MAP4K2: variants seen among roughly 807,000 people sequenced by gnomAD.
The protein encoded by MAP4K2 is mitogen-activated protein kinase kinase kinase kinase 2.
In MAP4K2, 85 loss-of-function variants were observed where a neutral mutation model predicts 125.3. That is an observed-to-expected ratio of 0.68 (90% CI 0.57 to 0.81). MAP4K2 has a LOEUF of 0.81. Among genes scored for constraint, MAP4K2 ranks in the 40% least tolerant of loss-of-function variants. The probability of loss-of-function intolerance (pLI) is 0.00; values close to 1 mark genes in which losing one functional copy is unlikely to be tolerated. For missense variants in MAP4K2, 923 were observed against 1,056.4 expected, an observed-to-expected ratio of 0.87 and a Z score of 1.75; for synonymous variants, 479 against 445.1, an observed-to-expected ratio of 1.08 and a Z score of -0.96.
chr11:64,801,560 G>T lies in MAP4K2; in HGVS notation c.457+19C>A. ...GGTCCACAGAGCCCTCACCCTGATGGTGTCCCCAGGGTACTGACCCAGTTT... is the reference window on the plus strand; with the variant it reads ...GGTCCACAGAGCCCTCACCCTGATGTTGTCCCCAGGGTACTGACCCAGTTT... On this transcript the variant is annotated intron_variant, in intron 7 of 31. Transcript: ENST00000294066. 6.2e-7 allele frequency: 1 copy of T among 1,613,540 alleles called. No homozygotes were observed. The highest frequency in any genetic ancestry group is 8.5e-7 in the Non-Finnish European group (1 of 1,179,624).
In MAP4K2 at chr11:64,797,000, G is replaced by C. The variant is rs1940847268; in HGVS notation, c.1389C>G (p.Pro463=). Residue 463 remains proline, a synonymous_variant, in exon 20 of 32, where the codon CCC becomes CCG. Transcript: ENST00000294066. The stretch of plus-strand genomic sequence containing the variant: ...CACTTACATGCACCTTGGGAGTTGG[G>C]GGGAGCCCGTGGCAGGATGACCTCT... ...DPERSSCHGL[P]PTPKVHMGAC... 1.2e-6 allele frequency: 2 copies of C among 1,613,968 alleles called. No individual in the cohort carries two copies. The highest frequency in any genetic ancestry group is 1.7e-6 in the Non-Finnish European group (2 of 1,179,966).
In MAP4K2 at chr11:64,796,519, A is replaced by G. The variant is rs1293030058; in HGVS notation, c.1607T>C (p.Val536Ala). ...ISHRCSWLYC[V>A]NNVLLSLSGK... is the part of the protein sequence containing the mutation. ...TGAGAGTGACAGCAGCACGTTGTTC[A>G]CGCAGTAGAGCCAGGAGCAGCGATG... Residue 536 changes from valine (V) to alanine (A), a missense_variant, in exon 23 of 32, where the codon GTG becomes GCG. Physicochemically the swap from Val to Ala is moderately conservative, Grantham distance 64 (BLOSUM62 0). This residue lies in a region of MAP4K2 where 833 missense variants were observed against 911.4 expected (regional missense o/e 0.91). Transcript: ENST00000294066. The G allele has an allele frequency of 1.2e-6, 2 of 1,613,942 alleles. No homozygotes were observed.
rs1163153790 is a variant in MAP4K2, at chr11:64,800,131, G to T, written c.893C>A (p.Ser298Tyr). The change falls in exon 12 of 32, where the codon TCC becomes TAC. Residue 298 changes from serine (S) to tyrosine (Y), a missense_variant. By Grantham distance (144) the Ser-to-Tyr change is moderately radical. This residue lies in a region of MAP4K2 where 833 missense variants were observed against 911.4 expected (regional missense o/e 0.91). Transcript: ENST00000294066. ...KASDPHLGTP[S>Y]PEDCELETYD... Reference sequence around the variant, plus strand: ...TACCTCCAGCTCACAGTCCTCAGGGGAGGGGGTCCCCAGATGAGGGTCACT... The same window carrying T: ...TACCTCCAGCTCACAGTCCTCAGGGTAGGGGGTCCCCAGATGAGGGTCACT... The T allele has an allele frequency of 3.7e-6, 6 of 1,610,660 alleles. No individual in the cohort carries two copies. The highest frequency in any genetic ancestry group is 5.1e-6 in the Non-Finnish European group (6 of 1,178,864).
At chr11:64,801,819 C>T in intron 5 of MAP4K2, 62 bp from the exon 6 acceptor site, 1 of 1,571,996 alleles carries the variant, frequency 6.4e-7, no homozygotes, top group Non-Finnish European at 8.7e-7. Context: ...CCCCAAACCC[C>T]CTCTCAGGAC....
At chr11:64,792,692 G>GCCA (rs764177211) in intron 24 of MAP4K2, among the ~76,000 whole-genome samples, 52 of 152,140 alleles carry the variant, frequency 3.4e-4, no homozygotes, top group Non-Finnish European at 6.3e-4. Context: ...CTCCAGGCAA[G>GCCA]CCACTTAATC....
chr11:64,796,079 T>A, intron 24 of MAP4K2, among the ~76,000 whole-genome samples, 194 bp downstream of exon 24: 1 of 152,196 alleles, frequency 6.6e-6, no homozygotes, highest in East Asian at 1.9e-4. Flanking sequence ...TCACATCCAC[T>A]GTCTCCTTCT....
rs1298826858 is a variant in MAP4K2 at position 64,797,553 on chromosome 11, G to A, written c.1137-19C>T. On this transcript the variant is annotated intron_variant, in intron 16 of 31. Transcript: ENST00000294066. ...CAGACTCCTGTGGGAGGGAGATGAG[G>A]CGTGAGGCATGAGGTGTGACTGGCA... The A allele has an allele frequency of 2.5e-6, 4 of 1,572,888 alleles. No individual in the cohort carries two copies. In the South Asian group the frequency reaches 4.7e-5, roughly 18 times the overall value.
chr11:64,789,584 C>T lies in MAP4K2; in HGVS notation c.2416G>A (p.Ala806Thr). The change falls in exon 32 of 32, where the codon GCG (alanine) becomes ACG (threonine). Residue 806 changes from alanine (A) to threonine (T), a missense_variant. This residue lies in a region of MAP4K2 where 90 missense variants were observed against 144.9 expected (regional missense o/e 0.62). Transcript: ENST00000294066. Reference protein sequence around the residue: ...LESIPTDNPEAHSNLYILTGH... With the variant: ...LESIPTDNPETHSNLYILTGH... The stretch of plus-strand genomic sequence containing the variant: ...GTGAGGATGTAGAGGTTGCTGTGCG[C>T]CTCTGGGTTGTCAGTGGGAATGCTC... 6.2e-7 allele frequency: 1 copy of T among 1,605,130 alleles called. No homozygotes were observed. The highest frequency in any genetic ancestry group is 8.5e-7 in the Non-Finnish European group (1 of 1,175,806).
chr11:64,802,725 G>T, intron 2 of MAP4K2, 72 bp from the exon 3 acceptor site: 1 of 1,515,846 alleles, frequency 6.6e-7, no homozygotes, highest in East Asian at 2.3e-5. Context: ...TCTGCAAAAT[G>T]GGCACAGAGT....
intron 27 of MAP4K2, among the ~76,000 whole-genome samples, chr11:64,791,369 AGTTTTT>A (rs767600079): frequency 2.2e-4 from 33 of 151,992 alleles, no homozygotes; most frequent in African/African-American, 6.3e-4. Context: ...AATGTTGACC[AGTTTTT>A]GTTTTTGTTT....
intron 4 of MAP4K2, 102 bp from the exon 5 acceptor site, chr11:64,802,223 C>T (rs774855073): frequency 2.6e-5 from 31 of 1,195,470 alleles, no homozygotes; most frequent in South Asian, 7.9e-5. Flanking sequence ...TAAATGAAAG[C>T]GGTGTTGGCC....
In MAP4K2 at chr11:64,791,954, G is replaced by C. The variant is rs779830156; in HGVS notation, c.2047C>G (p.Leu683Val). The C allele has an allele frequency of 1.7e-5, 28 of 1,606,332 alleles. No individual in the cohort carries two copies. The highest frequency in any genetic ancestry group is 2.2e-5 in the Non-Finnish European group (26 of 1,176,796). ...GPGCRVLFHV[L>V]PLEAGLTPDI... ...GGCGTCAGGCCAGCCTCCAGGGGCA[G>C]GACATGGAACAGGACGCGGCAGCCG... Residue 683 changes from leucine to valine, a missense_variant, in exon 27 of 32, where the codon CTG becomes GTG. By Grantham distance (32) the Leu-to-Val change is conservative. This residue lies in a region of MAP4K2 where 833 missense variants were observed against 911.4 expected (regional missense o/e 0.91). Transcript: ENST00000294066.
chr11:64,796,247 C>T (rs1940787795), intron 24 of MAP4K2, 26 bp downstream of exon 24: 2 of 1,513,598 alleles, frequency 1.3e-6, no homozygotes, highest in Non-Finnish European at 1.8e-6. Flanking sequence ...CTGCCTCCCG[C>T]TCCCTGCACG....
intron 4 of MAP4K2, 74 bp from the exon 5 acceptor site, chr11:64,802,195 A>C (rs1941234171): frequency 7.1e-7 from 1 of 1,406,476 alleles, no homozygotes. Context: ...CGTGTGTGGG[A>C]AAAGCAGCAG....
rs1007487383 is a variant in MAP4K2, at chr11:64,786,004, T to G, written c.*3533A>C. 6.6e-6 allele frequency: 1 copy of G among 152,236 alleles called. No individual in the cohort carries two copies. The highest frequency in any genetic ancestry group is 1.5e-5 in the Non-Finnish European group (1 of 68,038). The allele number at this position is 152,236 out of a possible 1,614,324, so 9.4% of individuals were successfully genotyped here. ...TGAACCTACCACCAAACCTGAGAGC[T>G]AAGATATTACCAATACCTTTAAAAA... On this transcript the variant is annotated 3_prime_UTR_variant, in exon 32 of 32. Coordinates refer to ENST00000294066, the MANE Select transcript of MAP4K2 (RefSeq NM_004579.5).
In MAP4K2 at chr11:64,784,986, T is replaced by G. The variant is rs1192425118; in HGVS notation, c.*4551A>C. 1 of 152,136 alleles carries G rather than the reference T, an allele frequency of 6.6e-6. No homozygotes were observed. Among genetic ancestry groups the G allele is most frequent in the Non-Finnish European group, 1.5e-5 (1 of 68,042 alleles). 9.4% of individuals were successfully genotyped at this position (152,136 alleles called of 1,614,324 possible). A position where few individuals can be genotyped will look rare whatever the true frequency, so the allele number is the denominator to read the frequency against. Reference sequence around the variant, plus strand: ...CATGGTCCAAATGTCCATCAACAGGTGAACAGCTAACCAAACTGGTGCATC... The same window carrying G: ...CATGGTCCAAATGTCCATCAACAGGGGAACAGCTAACCAAACTGGTGCATC... On this transcript the variant is annotated 3_prime_UTR_variant, in exon 32 of 32. Transcript: ENST00000294066.
chr11:64,800,992 G>A lies in MAP4K2; in HGVS notation c.570C>T (p.Gly190=). ...PEVAAVERKG[G]YNELCDVWAL... Reference sequence around the variant, plus strand: ...CCCAGACGTCACATAGCTCATTGTAGCCACCTTTGCGCTCCACAGCAGCCA... The same window carrying A: ...CCCAGACGTCACATAGCTCATTGTAACCACCTTTGCGCTCCACAGCAGCCA... Residue 190 remains glycine (G), a synonymous_variant, in exon 9 of 32, where the codon GGC becomes GGT. Transcript: ENST00000294066. The A allele has an allele frequency of 1.9e-6, 3 of 1,613,966 alleles. No homozygotes were observed. The highest frequency in any genetic ancestry group is 2.5e-6 in the Non-Finnish European group (3 of 1,180,002).
Position 64,800,824 on chromosome 11 carries a change from G to A in MAP4K2, c.665C>T (p.Ala222Val), listed in dbSNP as rs1013373061. Reference sequence around the variant, plus strand: ...GCTGCTCTTCGACATGAGCATCAGGGCCCTGTGGAGGGCGCGAGGTCAGGG... The same window carrying A: ...GCTGCTCTTCGACATGAGCATCAGGACCCTGTGGAGGGCGCGAGGTCAGGG... The part of the protein sequence containing the change: ...PPLFHLHPMR[A>V]LMLMSKSSFQ... Residue 222 changes from alanine (A) to valine (V), a missense_variant and splice_region_variant, in exon 10 of 32, where the codon GCC becomes GTC. This residue lies in a region of MAP4K2 where 833 missense variants were observed against 911.4 expected (regional missense o/e 0.91). Transcript: ENST00000294066. 1 of 1,612,690 alleles carries A rather than the reference G, an allele frequency of 6.2e-7. No individual in the cohort carries two copies. Among genetic ancestry groups the A allele is most frequent in the Admixed American group, 1.7e-5 (1 of 59,732 alleles).
chr11:64,787,259 G>A lies in MAP4K2; in HGVS notation c.*2278C>T, dbSNP rs1438756973. ...TTGGCCAGGCTGGTCTCGAACCCCT[G>A]ACCTCGTGATTCGCCCGCCTCGGCC... On this transcript the variant is annotated 3_prime_UTR_variant, in exon 32 of 32. Transcript: ENST00000294066. 6.6e-6 allele frequency: 1 copy of A among 151,970 alleles called. No individual in the cohort carries two copies. The highest frequency in any genetic ancestry group is 1.5e-5 in the Non-Finnish European group (1 of 68,036). The allele number at this position is 151,970 out of a possible 1,614,324, so 9.4% of individuals were successfully genotyped here.
Sources: allele counts gnomAD v4.1 joint callset (sites outside exome capture counted in the v4.1 genomes callset), GRCh38; gene constraint gnomAD v4.1.1; regional missense constraint gnomAD v4.1.1; transcripts MANE v1.5; gene names NCBI Gene and HGNC (gene_info 2026-07-23, HGNC 2026-07-21).